The following COL5A2 variants were observed in gnomAD, a reference collection of about 807,000 sequenced individuals.
The protein encoded by COL5A2 is collagen type V alpha 2 chain.
Under a neutral mutation model 208.2 loss-of-function variants are expected in COL5A2, and 23 were observed. The observed-to-expected ratio is 0.11, with a 90% CI of 0.08 to 0.16. The LOEUF (loss-of-function observed/expected upper bound fraction) is 0.16, where lower values mean the gene tolerates loss of function less well. Among genes scored for constraint, COL5A2 ranks in the 10% least tolerant of loss-of-function variants. COL5A2 has a pLI of 1.00. For missense variants in COL5A2, 1,590 were observed against 1,956.4 expected, an observed-to-expected ratio of 0.81 and a Z score of 3.53; for synonymous variants, 625 against 628.5, an observed-to-expected ratio of 0.99 and a Z score of 0.08.
At chr2:189,080,947 C>T in intron 13 of COL5A2, 43 bp downstream of exon 13, 1 of 1,542,268 alleles carries the variant, frequency 6.5e-7, no homozygotes, top group Non-Finnish European at 9.0e-7. Flanking sequence ...AGCCTGTTCA[C>T]TAAACCACAG....
intron 21 of COL5A2, 36 bp from the exon 22 acceptor site, chr2:189,066,818 A>G: frequency 6.6e-7 from 1 of 1,507,776 alleles, no homozygotes; most frequent in South Asian, 1.1e-5. Context: ...AAGAACCAGG[A>G]CATTTAGCTA....
chr2:189,413,458 C>A, the COL5A2 span, among the ~76,000 whole-genome samples: 1 of 152,076 alleles, frequency 6.6e-6, no homozygotes, highest in African/African-American at 2.4e-5. Context: ...AAAAGGATGA[C>A]GACTGGGCCC....
At chr2:189,036,383 A>G (rs1685444198) in intron 52 of COL5A2, among the ~76,000 whole-genome samples, 1 of 152,172 alleles carries the variant, frequency 6.6e-6, no homozygotes. Flanking sequence ...TTACTTTTCT[A>G]TATTTCATCC....
At chr2:189,259,382 T>C in the COL5A2 span, among the ~76,000 whole-genome samples, 1 of 152,196 alleles carries the variant, frequency 6.6e-6, no homozygotes, top group Admixed American at 6.5e-5. Flanking sequence ...AGTATGATTG[T>C]TCTACTTCAC....
chr2:189,270,054 T>C, the COL5A2 span, among the ~76,000 whole-genome samples: 75 of 152,286 alleles, frequency 4.9e-4, no homozygotes, highest in Middle Eastern at 3.4e-3. Flanking sequence ...GATGGTAGTT[T>C]GTATTTCTGT....
intron 1 of COL5A2, among the ~76,000 whole-genome samples, chr2:189,136,848 T>G (rs1687837146): frequency 6.6e-6 from 1 of 152,140 alleles, no homozygotes; most frequent in African/African-American, 2.4e-5. Context: ...TTTAGTTTGG[T>G]TCAGTTAGTA....
chr2:189,424,547 C>G, the COL5A2 span, among the ~76,000 whole-genome samples: 1 of 151,888 alleles, frequency 6.6e-6, no homozygotes, highest in Admixed American at 6.6e-5. Context: ...AAAGGGAAAT[C>G]AAGAAAACAA....
chr2:189,063,628 C>A (rs551699032), intron 26 of COL5A2, among the ~76,000 whole-genome samples: 1 of 152,176 alleles, frequency 6.6e-6, no homozygotes, highest in South Asian at 2.1e-4. Context: ...TATAAGTTGT[C>A]AAAATTCATA....
At chr2:189,312,955 A>C in the COL5A2 span, among the ~76,000 whole-genome samples, 1 of 152,210 alleles carries the variant, frequency 6.6e-6, no homozygotes, top group African/African-American at 2.4e-5. Flanking sequence ...ATTCAGCACA[A>C]GAACGCTGAT....
chr2:189,285,567 T>C, the COL5A2 span, among the ~76,000 whole-genome samples: 1 of 152,134 alleles, frequency 6.6e-6, no homozygotes, highest in Non-Finnish European at 1.5e-5. Flanking sequence ...ATGAAATAGC[T>C]GATTTCCAGA....
At chr2:189,101,187 A>G (rs1356891898) in intron 3 of COL5A2, among the ~76,000 whole-genome samples, 3 of 152,090 alleles carry the variant, frequency 2.0e-5, no homozygotes, top group Non-Finnish European at 4.4e-5. Context: ...TATGAATTTA[A>G]CATCTCTAAA....
intron 45 of COL5A2, among the ~76,000 whole-genome samples, chr2:189,046,796 T>C (rs552938816): frequency 1.1e-4 from 16 of 151,688 alleles, no homozygotes; most frequent in African/African-American, 1.5e-4. Context: ...ATAAGCTGAA[T>C]TGGCAACTTC....
chr2:189,056,354 G>C (rs962098669), intron 35 of COL5A2, among the ~76,000 whole-genome samples: 8 of 152,200 alleles, frequency 5.3e-5, no homozygotes, highest in African/African-American at 1.4e-4. Context: ...ATTTATGTCT[G>C]AAAATATATT....
the COL5A2 span, among the ~76,000 whole-genome samples, chr2:189,231,317 T>A: frequency 4.6e-5 from 7 of 151,504 alleles, no homozygotes; most frequent in Admixed American, 4.0e-4. Context: ...CAAGTTATAT[T>A]TTTTTTGCCA....
chr2:189,312,846 C>T, the COL5A2 span, among the ~76,000 whole-genome samples: 12 of 151,060 alleles, frequency 7.9e-5, no homozygotes, highest in Admixed American at 3.3e-4. Flanking sequence ...AGAAGCCCTA[C>T]TGAAAAGTAG....
In COL5A2 at chr2:189,045,207, G is replaced by A; in HGVS notation, c.3335C>T (p.Pro1112Leu). 6.2e-7 allele frequency: 1 copy of A among 1,607,326 alleles called. No homozygotes were observed. The change falls in exon 47 of 54, where the codon CCT becomes CTT. Residue 1112 changes from proline to leucine, a missense_variant. Pro to Leu is a moderately conservative substitution (Grantham distance 98). Coordinates refer to ENST00000374866, the MANE Select transcript of COL5A2 (RefSeq NM_000393.5). ...DPGSRGPIGP[P>L]GRAGKRGLPG... ...TAATCCACGTTTCCCAGCTCGACCA[G>A]GTGGTCCTATAGGACCCCGAGAACC...
chr2:189,170,773 G>A (rs1038737943), intron 1 of COL5A2, among the ~76,000 whole-genome samples: 3 of 151,960 alleles, frequency 2.0e-5, no homozygotes, highest in African/African-American at 7.2e-5. Context: ...ACAGAAGTAA[G>A]GTCAGTATAA....
chr2:189,037,040 A>G (rs1685458093), intron 51 of COL5A2, among the ~76,000 whole-genome samples: 1 of 152,280 alleles, frequency 6.6e-6, no homozygotes, highest in South Asian at 2.1e-4. Context: ...CATCCATATG[A>G]AGGAAATATC....
At chr2:189,352,763 C>T in the COL5A2 span, among the ~76,000 whole-genome samples, 3 of 152,126 alleles carry the variant, frequency 2.0e-5, no homozygotes, top group East Asian at 1.9e-4. Flanking sequence ...ATGATAGTTT[C>T]TTTTGCTGTG....
Sources: gnomAD v4.1 joint callset for allele counts (sites outside exome capture counted in the v4.1 genomes callset) on GRCh38, gnomAD v4.1.1 for gene constraint, MANE v1.5 for transcripts, NCBI Gene and HGNC (gene_info 2026-07-23, HGNC 2026-07-21) for gene names.